The following NPHP4 variants were observed in gnomAD, a reference collection of about 807,000 sequenced individuals.
NPHP4 encodes nephrocystin-4.
In NPHP4, 151 loss-of-function variants were observed where a neutral mutation model predicts 155.8. That is an observed-to-expected ratio of 0.97 (90% CI 0.85 to 1.11). The LOEUF (loss-of-function observed/expected upper bound fraction) is 1.11. Among genes scored for constraint, NPHP4 ranks in the 50% least tolerant of loss-of-function variants. NPHP4 has a pLI of 0.00. For missense variants in NPHP4, 1,956 were observed against 1,925.7 expected (o/e 1.02, Z -0.29); for synonymous variants, 845 against 816.8 (o/e 1.03, Z -0.59).
intron 5 of NPHP4, 67 bp downstream of exon 5, chr1:5,967,232 A>C: frequency 8.4e-7 from 1 of 1,196,110 alleles, no homozygotes; most frequent in Middle Eastern, 1.9e-4. Flanking sequence ...TTCAGAGCTA[A>C]AGGTGGGGAA....
intron 3 of NPHP4, among the ~76,000 whole-genome samples, chr1:5,970,429 G>T (rs910567522): frequency 2.0e-5 from 3 of 152,050 alleles, no homozygotes; most frequent in African/African-American, 7.2e-5. Flanking sequence ...CTTGAGCCTG[G>T]GAAGCAGAGG....
At chr1:5,938,248 C>T (rs1296312769) in intron 9 of NPHP4, among the ~76,000 whole-genome samples, 1 of 152,246 alleles carries the variant, frequency 6.6e-6, no homozygotes, top group Non-Finnish European at 1.5e-5. Context: ...CTGAAGGACA[C>T]GGAGCTCTTG....
intron 11 of NPHP4, among the ~76,000 whole-genome samples, chr1:5,920,296 A>G (rs1645677556): frequency 1.3e-5 from 2 of 151,990 alleles, no homozygotes; most frequent in South Asian, 4.2e-4. Flanking sequence ...CTTGGCTTCA[A>G]GCCATCCTCC....
intron 23 of NPHP4, among the ~76,000 whole-genome samples, chr1:5,869,002 C>G (rs1445312071): frequency 2.2e-5 from 3 of 139,508 alleles, no homozygotes; most frequent in Non-Finnish European, 4.7e-5. Context: ...TGCACACACA[C>G]GCACCCATAC....
In NPHP4 at chr1:5,878,872, C is replaced by T. The variant is rs554507719; in HGVS notation, c.2611+1242G>A. On this transcript the variant is annotated intron_variant, in intron 19 of 29. Transcript: ENST00000378156. Reference sequence around the variant, plus strand: ...CCGTACTCTAGGTGGTCTGTGGGACCAGCTGAGGATGAAGGGCACTGACCC... The same window carrying T: ...CCGTACTCTAGGTGGTCTGTGGGACTAGCTGAGGATGAAGGGCACTGACCC... Among the ~76,000 whole-genome samples the T allele has an allele frequency of 3.3e-5, 5 of 152,296 alleles. No individual in the cohort carries two copies. The South Asian group carries it at 1.0e-3, about 32-fold the overall frequency.
chr1:5,927,302 A>C (rs552888272), intron 11 of NPHP4, among the ~76,000 whole-genome samples: 50 of 152,342 alleles, frequency 3.3e-4, no homozygotes, highest in African/African-American at 1.2e-3. Flanking sequence ...TCAACAGTGC[A>C]AACGCAAGGT....
chr1:5,891,011 GC>G lies in NPHP4; in HGVS notation c.2160del (p.Gln720HisfsTer2), dbSNP rs1644098536. On this transcript the variant is annotated frameshift_variant, in exon 17 of 30. Transcript: ENST00000378156. LOFTEE classifies it high-confidence loss of function. ...GTFDAGSPGF[Q>X]LRYMVGPGFL... ...AACCCAGGGCCCACCATGTACCTCA[GC>G]TGGAAGCCAGGAGACCCTGTCAAAG... is the stretch of plus-strand genomic sequence containing the variant. The G allele has an allele frequency of 6.4e-7, 1 of 1,557,472 alleles. No individual in the cohort carries two copies. Among genetic ancestry groups the G allele is most frequent in the South Asian group, 1.2e-5 (1 of 86,018 alleles).
At chr1:5,919,092 C>G (rs147524326) in intron 11 of NPHP4, among the ~76,000 whole-genome samples, 2 of 152,320 alleles carry the variant, frequency 1.3e-5, no homozygotes, top group Admixed American at 1.3e-4. Flanking sequence ...ATTAACGTAT[C>G]GCCTATATAT....
chr1:5,931,501 A>C (rs1464242989), intron 10 of NPHP4, among the ~76,000 whole-genome samples: 2 of 151,850 alleles, frequency 1.3e-5, no homozygotes, highest in African/African-American at 4.8e-5. Context: ...GCACTTTGAG[A>C]GGCACACAGA....
chr1:5,930,105 CCTT>C (rs1646199218), intron 10 of NPHP4, among the ~76,000 whole-genome samples: 1 of 151,926 alleles, frequency 6.6e-6, no homozygotes, highest in African/African-American at 2.4e-5. Context: ...TGTAGTATTC[CCTT>C]ATTATCCTTT....
At chr1:5,988,646 A>G (rs923397458) in intron 1 of NPHP4, among the ~76,000 whole-genome samples, 4 of 152,226 alleles carry the variant, frequency 2.6e-5, no homozygotes, top group African/African-American at 9.6e-5. Flanking sequence ...GGGATCTGAG[A>G]CCAAAAAGTT....
rs1643991113 is a variant in NPHP4 at position 5,889,296 on chromosome 1, A to T, written c.2304+1572T>A. 6.6e-6 allele frequency among the ~76,000 whole-genome samples: 1 copy of T among 152,250 alleles called. No homozygotes were observed. Among genetic ancestry groups the T allele is most frequent in the African/African-American group, 2.4e-5 (1 of 41,468 alleles). On this transcript the variant is annotated intron_variant, in intron 17 of 29. Transcript: ENST00000378156. This position sits in a 1 kb window ranked among gnomAD's most constrained non-coding sequence, Gnocchi z 4.2. ...AGTAAGTCCACCAAAGGCTAACCGG[A>T]GCAACCTAACTCTCCCAGGATCTGG...
Position 5,889,164 on chromosome 1 carries a change from T to C in NPHP4, c.2305-1698A>G, listed in dbSNP as rs1408840882. On this transcript the variant is annotated intron_variant, in intron 17 of 29. Coordinates refer to ENST00000378156, the MANE Select transcript of NPHP4 (RefSeq NM_015102.5). This position sits in a 1 kb window ranked among gnomAD's most constrained non-coding sequence, Gnocchi z 4.2. ...AATCAACTAGAAGATGGGGGTAAAA[T>C]TGAACTTCAAGAAGTCCACAGCAGT... is the stretch of plus-strand genomic sequence containing the variant. Among the ~76,000 whole-genome samples, 2 of 152,068 alleles carry C rather than the reference T, an allele frequency of 1.3e-5. No homozygotes were observed. The highest frequency in any genetic ancestry group is 2.4e-5 in the African/African-American group (1 of 41,388).
At chr1:5,883,610 G>C (rs957662881) in intron 18 of NPHP4, among the ~76,000 whole-genome samples, 7 of 152,198 alleles carry the variant, frequency 4.6e-5, no homozygotes, top group African/African-American at 1.7e-4. Flanking sequence ...TCCATTCACT[G>C]TGGGCTGCAG....
rs190944120 is a variant in NPHP4, at chr1:5,962,274, G to C, written c.518-325C>G. Among the ~76,000 whole-genome samples, 376 of 152,250 alleles carry C rather than the reference G, an allele frequency of 2.5e-3. 1 individual carries two copies. Among genetic ancestry groups the C allele is most frequent in the African/African-American group, 8.8e-3 (367 of 41,544 alleles). On this transcript the variant is annotated intron_variant, in intron 5 of 29. Coordinates refer to ENST00000378156, the MANE Select transcript of NPHP4 (RefSeq NM_015102.5). ...AGCTTCCTGAAGCCTCAAACTCCAG[G>C]GCTCAAGTGATCCTCCCACCTTGGC...
Position 5,905,201 on chromosome 1 carries a change from A to C in NPHP4, c.1955+91T>G. The stretch of plus-strand genomic sequence containing the variant: ...CGAATCTACTAAGACCTCAGCACAG[A>C]CAGTTCTGCCAGGTCAGAACCTCAG... On this transcript the variant is annotated intron_variant, in intron 15 of 29. Transcript: ENST00000378156. This position sits in a 1 kb window ranked among gnomAD's most constrained non-coding sequence, Gnocchi z 4.0. 1 of 1,044,174 alleles carries C rather than the reference A, an allele frequency of 9.6e-7. No individual in the cohort carries two copies. The highest frequency in any genetic ancestry group is 1.5e-6 in the Non-Finnish European group (1 of 665,104). The allele number at this position is 1,044,174 out of a possible 1,614,324, so 64.7% of individuals were successfully genotyped here.
chr1:5,951,867 T>G (rs1648135638), intron 7 of NPHP4, among the ~76,000 whole-genome samples: 2 of 152,162 alleles, frequency 1.3e-5, no homozygotes, highest in Admixed American at 1.3e-4. Context: ...CCCTGGTGTT[T>G]TACAGCTCGC....
chr1:5,977,363 G>A (rs983450326), intron 3 of NPHP4, among the ~76,000 whole-genome samples: 4 of 151,968 alleles, frequency 2.6e-5, no homozygotes, highest in Non-Finnish European at 5.9e-5. Context: ...TGCTTGTCAC[G>A]GAGTCAGTTT....
At position 5,920,268 on chromosome 1, in the gene NPHP4, C is replaced by A. The variant is rs146515847; in HGVS notation, c.1441+7381G>T. 3.2e-3 allele frequency among the ~76,000 whole-genome samples: 480 copies of A among 152,120 alleles called. 1 individual carries two copies. Among genetic ancestry groups the A allele is most frequent in the African/African-American group, 0.011 (449 of 41,494 alleles). ...TAGAGTCAGGGCCTTGCTATGTTAC[C>A]CAGGCTGATCTCGAACTCTTGGCTT... On this transcript the variant is annotated intron_variant, in intron 11 of 29. Coordinates refer to ENST00000378156, the MANE Select transcript of NPHP4 (RefSeq NM_015102.5).
Sources: allele counts gnomAD v4.1 joint callset (sites outside exome capture counted in the v4.1 genomes callset), GRCh38; gene constraint gnomAD v4.1.1; non-coding constraint Gnocchi (gnomAD v3.1); transcripts MANE v1.5; gene names NCBI Gene and HGNC (gene_info 2026-07-23, HGNC 2026-07-21).